PDCD1: variants seen among roughly 807,000 people sequenced by gnomAD.
The protein encoded by PDCD1 is programmed cell death 1.
Under a neutral mutation model 23.6 loss-of-function variants are expected in PDCD1, and 10 were observed. The ratio of observed to expected loss-of-function variants is 0.42; its 90% CI spans 0.26 to 0.72. PDCD1 has a LOEUF of 0.72. Ranked by LOEUF, PDCD1 falls within the 30% of genes least tolerant of loss-of-function variation. PDCD1 has a pLI of 0.24. For missense variants in PDCD1, 313 were observed against 397.8 expected (o/e 0.79, Z 1.81); for synonymous variants, 168 against 169.3 (o/e 0.99, Z 0.06).
intron 1 of PDCD1, among the ~76,000 whole-genome samples, chr2:241,857,847 C>T (rs114483425): frequency 0.01 from 1,532 of 152,304 alleles, 27 homozygotes; most frequent in African/African-American, 0.036. Context: ...TGTCACACCC[C>T]GGTACCCAGC....
chr2:241,858,250 G>A (rs1046049725), intron 1 of PDCD1, among the ~76,000 whole-genome samples: 3 of 152,230 alleles, frequency 2.0e-5, no homozygotes, highest in East Asian at 3.8e-4. Flanking sequence ...AAACTTTGAC[G>A]TCGTAAAGCC....
In PDCD1 at chr2:241,850,322, G is replaced by A. The variant is rs974861809; in HGVS notation, c.*736C>T. 7 of 234,738 alleles carry A rather than the reference G, an allele frequency of 3.0e-5. No homozygotes were observed. The highest frequency in any genetic ancestry group is 3.4e-5 in the Non-Finnish European group (4 of 119,164). 14.5% of individuals were successfully genotyped at this position (234,738 alleles called of 1,614,324 possible). A position where few individuals can be genotyped will look rare whatever the true frequency, so the allele number is the denominator to read the frequency against. ...GGTGTGAGGGGCTGGGGTGGAATGC[G>A]GCGGCAGGAGGCCAGAGTGCTGGCT... On this transcript the variant is annotated 3_prime_UTR_variant, in exon 5 of 5. Transcript: ENST00000334409.
chr2:241,856,746 C>G (rs978824163), intron 1 of PDCD1, among the ~76,000 whole-genome samples: 5 of 151,422 alleles, frequency 3.3e-5, no homozygotes, highest in Middle Eastern at 3.4e-3. Flanking sequence ...ATTGCTTGAG[C>G]CCCGGAGGTC....
chr2:241,858,208 G>A (rs1166994290), intron 1 of PDCD1, among the ~76,000 whole-genome samples: 2 of 152,244 alleles, frequency 1.3e-5, no homozygotes, highest in East Asian at 3.8e-4. Context: ...GTACACTTTG[G>A]ATATAATGAG....
intron 1 of PDCD1, 93 bp downstream of exon 1, chr2:241,858,670 C>G: frequency 8.9e-7 from 1 of 1,123,776 alleles, no homozygotes; most frequent in East Asian, 2.6e-5. Context: ...AGGGCCAGGC[C>G]CGCCTCAGCA....
Position 241,858,791 on chromosome 2 carries a change from T to C in PDCD1, c.48A>G (p.Gln16=). The change falls in exon 1 of 5, where the codon CAA becomes CAG. Residue 16 remains glutamine (Q), a synonymous_variant. Transcript: ENST00000334409. ...AGAACCATCCTGGCCGCCAGCCCAG[T>C]TGTAGCACCGCCCAGACGACTGGCC... is the stretch of plus-strand genomic sequence containing the variant. ...APWPVVWAVL[Q]LGWRPGWFLD... is the part of the protein sequence containing the mutation. 2 of 1,592,982 alleles carry C rather than the reference T, an allele frequency of 1.3e-6. No individual in the cohort carries two copies. The highest frequency in any genetic ancestry group is 1.7e-6 in the Non-Finnish European group (2 of 1,170,356).
chr2:241,852,567 C>G (rs572831728), intron 2 of PDCD1, 54 bp downstream of exon 2: 48 of 1,578,892 alleles, frequency 3.0e-5, no homozygotes, highest in Admixed American at 1.7e-4. Flanking sequence ...GGAGGGGACA[C>G]CCACCCCAGG....
chr2:241,852,086 G>C (rs1264542311), intron 3 of PDCD1, 103 bp from the exon 4 acceptor site: 1 of 1,187,926 alleles, frequency 8.4e-7, no homozygotes, highest in African/African-American at 1.6e-5. Flanking sequence ...GCCTGGCGGG[G>C]AGATGGGGGG....
At position 241,850,824 on chromosome 2, in the gene PDCD1, C is replaced by G; in HGVS notation, c.*234G>C. 1 of 624,888 alleles carries G rather than the reference C, an allele frequency of 1.6e-6. No individual in the cohort carries two copies. Among genetic ancestry groups the G allele is most frequent in the Non-Finnish European group, 2.9e-6 (1 of 350,634 alleles). 38.7% of individuals were successfully genotyped at this position (624,888 alleles called of 1,614,324 possible). A position where few individuals can be genotyped will look rare whatever the true frequency, so the allele number is the denominator to read the frequency against. Reference sequence around the variant, plus strand: ...TGAAGCAGTGACTGCATCTGGCCCTCCCTGTAGGGGACGGTGACACCTGCT... The same window carrying G: ...TGAAGCAGTGACTGCATCTGGCCCTGCCTGTAGGGGACGGTGACACCTGCT... On this transcript the variant is annotated 3_prime_UTR_variant, in exon 5 of 5. Coordinates refer to ENST00000334409, the MANE Select transcript of PDCD1 (RefSeq NM_005018.3).
chr2:241,857,510 G>A (rs1219629021), intron 1 of PDCD1, among the ~76,000 whole-genome samples: 2 of 151,860 alleles, frequency 1.3e-5, no homozygotes, highest in South Asian at 2.1e-4. Context: ...CCCCTGTGAC[G>A]AGCGCCCCTC....
intron 1 of PDCD1, among the ~76,000 whole-genome samples, chr2:241,855,439 G>C (rs1701001606): frequency 6.6e-6 from 1 of 152,336 alleles, no homozygotes; most frequent in Admixed American, 6.5e-5. Flanking sequence ...ACCACTGGCT[G>C]GTCCTGGATC....
intron 1 of PDCD1, among the ~76,000 whole-genome samples, chr2:241,857,718 G>A (rs1008425915): frequency 3.9e-5 from 6 of 152,182 alleles, no homozygotes; most frequent in Non-Finnish European, 7.4e-5. Context: ...GAGAGGGGCC[G>A]AGGTGGGGAA....
intron 2 of PDCD1, 38 bp from the exon 3 acceptor site, chr2:241,852,391 A>C: frequency 7.2e-7 from 1 of 1,393,270 alleles, no homozygotes. Context: ...GGACGGGGTC[A>C]GGGTGGAGGG....
chr2:241,854,779 G>A (rs1700986946), intron 1 of PDCD1, among the ~76,000 whole-genome samples: 1 of 152,216 alleles, frequency 6.6e-6, no homozygotes, highest in African/African-American at 2.4e-5. Flanking sequence ...CCATGCAGCT[G>A]TCGGGACAGA....
intron 2 of PDCD1, 67 bp from the exon 3 acceptor site, chr2:241,852,420 G>A: frequency 1.7e-6 from 2 of 1,193,988 alleles, no homozygotes; most frequent in Non-Finnish European, 1.2e-6. Context: ...AGGGGTGAGG[G>A]CAGACTAGAG....
intron 1 of PDCD1, among the ~76,000 whole-genome samples, chr2:241,857,509 C>T (rs572891495): frequency 1.3e-4 from 20 of 151,978 alleles, no homozygotes; most frequent in African/African-American, 4.1e-4. Context: ...TCCCCTGTGA[C>T]GAGCGCCCCT....
In PDCD1 at chr2:241,852,270, C is replaced by T. The variant is rs758959367; in HGVS notation, c.520G>A (p.Val174Met). ...ACCAGGCTGCCCAGCAGGCCGCCCA[C>T]GACACCAACCACCAGGGTTTGGAAC... is the stretch of plus-strand genomic sequence containing the variant. Reference protein sequence around the residue: ...GQFQTLVVGVVGGLLGSLVLL... With the variant: ...GQFQTLVVGVMGGLLGSLVLL... Residue 174 changes from valine (V) to methionine (M), a missense_variant, in exon 3 of 5, where the codon GTG (valine) becomes ATG (methionine). Physicochemically the swap from Val to Met is conservative, Grantham distance 21 (BLOSUM62 1). Coordinates refer to ENST00000334409, the MANE Select transcript of PDCD1 (RefSeq NM_005018.3). 2.5e-6 allele frequency: 4 copies of T among 1,611,592 alleles called. No individual in the cohort carries two copies. The highest frequency in any genetic ancestry group is 2.5e-6 in the Non-Finnish European group (3 of 1,179,570).
At chr2:241,855,151 C>G (rs554234219) in intron 1 of PDCD1, among the ~76,000 whole-genome samples, 1 of 152,150 alleles carries the variant, frequency 6.6e-6, no homozygotes, top group South Asian at 2.1e-4. Context: ...GAATCCACCC[C>G]GGGGAGCAGG....
intron 1 of PDCD1, among the ~76,000 whole-genome samples, chr2:241,856,624 C>T (rs1701033305): frequency 6.6e-6 from 1 of 152,036 alleles, no homozygotes; most frequent in African/African-American, 2.4e-5. Context: ...ACCATTTGAG[C>T]CCAGCCTGGG....
Sources: gnomAD v4.1 joint callset for allele counts (sites outside exome capture counted in the v4.1 genomes callset) on GRCh38, gnomAD v4.1.1 for gene constraint, MANE v1.5 for transcripts, NCBI Gene and HGNC (gene_info 2026-07-23, HGNC 2026-07-21) for gene names.